C4orf33: variants seen among roughly 807,000 people sequenced by gnomAD.
C4orf33 encodes UPF0462 protein C4orf33.
A neutral mutation model predicts 24.3 loss-of-function variants in C4orf33; 20 were observed. That is an observed-to-expected ratio of 0.82 (90% CI 0.58 to 1.19). The LOEUF is 1.19. C4orf33 is among the 50% of genes most tolerant of loss of function. The pLI is 0.00. For missense variants in C4orf33, 207 were observed against 225.9 expected, an observed-to-expected ratio of 0.92 and a Z score of 0.54; for synonymous variants, 67 against 76.4, an observed-to-expected ratio of 0.88 and a Z score of 0.64.
At chr4:129,101,785 G>A (rs940031483) in intron 1 of C4orf33, among the ~76,000 whole-genome samples, 6 of 152,066 alleles carry the variant, frequency 3.9e-5, no homozygotes, top group Admixed American at 3.3e-4. Flanking sequence ...TGCAAAAACT[G>A]CTTTTTTGTA....
chr4:129,113,400 C>A lies in C4orf33; in HGVS notation c.*1609C>A, dbSNP rs1248045772. ...AACTACAGAATTTCGGAAAGCTTGT[C>A]CATTAGTCAGGTACAAATGATATAT... On this transcript the variant is annotated 3_prime_UTR_variant, in exon 6 of 6. Coordinates refer to ENST00000425929, the MANE Select transcript of C4orf33 (RefSeq NM_001099783.2). The A allele has an allele frequency of 1.3e-5, 2 of 152,178 alleles. No individual in the cohort carries two copies. The highest frequency in any genetic ancestry group is 2.9e-5 in the Non-Finnish European group (2 of 68,022). 9.4% of individuals were successfully genotyped at this position (152,178 alleles called of 1,614,324 possible). A position where few individuals can be genotyped will look rare whatever the true frequency, so the allele number is the denominator to read the frequency against.
chr4:129,096,630 C>A (rs1355885608), intron 1 of C4orf33, among the ~76,000 whole-genome samples: 1 of 151,986 alleles, frequency 6.6e-6, no homozygotes, highest in Non-Finnish European at 1.5e-5. Context: ...GAGGTCTTTC[C>A]AGGTAAAGAT....
At chr4:129,099,923 GT>G (rs1253734217) in intron 1 of C4orf33, among the ~76,000 whole-genome samples, 2 of 150,646 alleles carry the variant, frequency 1.3e-5, no homozygotes, top group Admixed American at 1.3e-4. Flanking sequence ...GCGATATAAA[GT>G]TTAAAAAAAA....
upstream of C4orf33, chr4:129,096,135 G>A (rs891883615): frequency 5.3e-5 from 8 of 152,118 alleles, no homozygotes; most frequent in Admixed American, 3.3e-4. Context: ...AGGCAGCTGG[G>A]TGGAGCCTAA....
At chr4:129,095,534 A>T (rs1447285845), upstream of C4orf33, among the ~76,000 whole-genome samples, 1 of 152,262 alleles carries the variant, frequency 6.6e-6, no homozygotes, top group East Asian at 1.9e-4. Context: ...CCACCATTTA[A>T]TGTTTTTATA....
At chr4:129,094,778 C>T (rs1753134678), upstream of C4orf33, among the ~76,000 whole-genome samples, 1 of 152,040 alleles carries the variant, frequency 6.6e-6, no homozygotes. Context: ...TTTGTATAAA[C>T]GTTATAGCTA....
Position 129,112,991 on chromosome 4 carries a change from T to A in C4orf33, c.*1200T>A, listed in dbSNP as rs1753720851. Reference sequence around the variant, plus strand: ...TTTTAAATAACCTAGGACGATTTATTTATAAATTACCTGAATAATTTTATA... The same window carrying A: ...TTTTAAATAACCTAGGACGATTTATATATAAATTACCTGAATAATTTTATA... On this transcript the variant is annotated 3_prime_UTR_variant, in exon 6 of 6. Coordinates refer to ENST00000425929, the MANE Select transcript of C4orf33 (RefSeq NM_001099783.2). 6.6e-6 allele frequency: 1 copy of A among 152,084 alleles called. No individual in the cohort carries two copies. Among genetic ancestry groups the A allele is most frequent in the African/African-American group, 2.4e-5 (1 of 41,450 alleles). The allele number at this position is 152,084 out of a possible 1,614,324, so 9.4% of individuals were successfully genotyped here. A position where few individuals can be genotyped will look rare whatever the true frequency, so the allele number is the denominator to read the frequency against.
In C4orf33 at chr4:129,106,608, A is replaced by G. The variant is rs138803726; in HGVS notation, c.203A>G (p.Asn68Ser). ...AAAGTTGTGGAAGCATTTTTCTTGA[A>G]TGATATAACTGAGCAATATTTAGAA... ...DYEVVEAFFL[N>S]DITEQYLEVE... The change falls in exon 3 of 6, where the codon AAT becomes AGT. Residue 68 changes from asparagine to serine, a missense_variant. Transcript: ENST00000425929. The G allele has an allele frequency of 5.1e-4, 794 of 1,548,726 alleles. 2 individuals carry two copies. In the Middle Eastern group the frequency reaches 6.1e-3, roughly 12 times the overall value.
intron 1 of C4orf33, among the ~76,000 whole-genome samples, chr4:129,099,824 C>G (rs1231684797): frequency 6.6e-6 from 1 of 152,030 alleles, no homozygotes; most frequent in African/African-American, 2.4e-5. Context: ...TTAAACTAGA[C>G]TGTTAACTAC....
chr4:129,116,196 GT>G lies in C4orf33; in HGVS notation c.*4406del, dbSNP rs2125806278. On this transcript the variant is annotated 3_prime_UTR_variant, in exon 6 of 6. Transcript: ENST00000425929. ...CAGTAATTAAAATATTCTTTTCCAT[GT>G]AATGGGATCTACGAGTAAATTTTTG... The G allele has an allele frequency of 6.6e-6, 1 of 152,062 alleles. No individual in the cohort carries two copies. The highest frequency in any genetic ancestry group is 2.1e-4 in the South Asian group (1 of 4,818). The allele number at this position is 152,062 out of a possible 1,614,324, so 9.4% of individuals were successfully genotyped here. A position where few individuals can be genotyped will look rare whatever the true frequency, so the allele number is the denominator to read the frequency against.
chr4:129,100,317 A>T (rs1444008200), intron 1 of C4orf33, among the ~76,000 whole-genome samples: 4 of 142,240 alleles, frequency 2.8e-5, no homozygotes, highest in Admixed American at 7.5e-5. Flanking sequence ...CGTAAACATT[A>T]TGGATTGTAT....
chr4:129,100,040 G>A (rs1753308304), intron 1 of C4orf33, among the ~76,000 whole-genome samples: 1 of 152,068 alleles, frequency 6.6e-6, no homozygotes, highest in Admixed American at 6.5e-5. Context: ...CCCTACTTGT[G>A]GAAGTCTAGT....
intron 1 of C4orf33, among the ~76,000 whole-genome samples, chr4:129,097,347 C>T (rs996522710): frequency 9.2e-5 from 14 of 152,206 alleles, no homozygotes; most frequent in Admixed American, 3.3e-4. Flanking sequence ...AGATAATTCC[C>T]TTCAGGGAAG....
At chr4:129,109,066 A>AT (rs1249886810) in intron 3 of C4orf33, among the ~76,000 whole-genome samples, 2 of 152,090 alleles carry the variant, frequency 1.3e-5, no homozygotes, top group Admixed American at 6.5e-5. Context: ...TTTTCTTTGT[A>AT]TTTTAGTAGA....
chr4:129,102,717 C>G lies in C4orf33; in HGVS notation c.107C>G (p.Ala36Gly). The G allele has an allele frequency of 3.1e-6, 5 of 1,614,078 alleles. No homozygotes were observed. Among genetic ancestry groups the G allele is most frequent in the Non-Finnish European group, 4.2e-6 (5 of 1,179,958 alleles). Residue 36 changes from alanine (A) to glycine (G), a missense_variant, in exon 2 of 6, where the codon GCT (alanine) becomes GGT (glycine). By Grantham distance (60) the Ala-to-Gly change is moderately conservative. Coordinates refer to ENST00000425929, the MANE Select transcript of C4orf33 (RefSeq NM_001099783.2). ...GDRGVMMDIS[A>G]PFFRDPPAPL... Reference sequence around the variant, plus strand: ...AGAGGAGTGATGATGGACATTAGTGCTCCATTTTTCAGGGATCCTCCAGCC... The same window carrying G: ...AGAGGAGTGATGATGGACATTAGTGGTCCATTTTTCAGGGATCCTCCAGCC...
In C4orf33 at chr4:129,115,466, T is replaced by C. The variant is rs1753758650; in HGVS notation, c.*3675T>C. 6.6e-6 allele frequency: 1 copy of C among 152,134 alleles called. No homozygotes were observed. Among genetic ancestry groups the C allele is most frequent in the Admixed American group, 6.6e-5 (1 of 15,254 alleles). The allele number at this position is 152,134 out of a possible 1,614,324, so 9.4% of individuals were successfully genotyped here. A position where few individuals can be genotyped will look rare whatever the true frequency, so the allele number is the denominator to read the frequency against. ...ATGCAAACCTGGAAGTTTGAGGGAA[T>C]TGACAATAGGGACAGGATTCAGTGG... On this transcript the variant is annotated 3_prime_UTR_variant, in exon 6 of 6. Coordinates refer to ENST00000425929, the MANE Select transcript of C4orf33 (RefSeq NM_001099783.2).
intron 2 of C4orf33, among the ~76,000 whole-genome samples, chr4:129,105,944 C>T (rs925499666): frequency 4.2e-4 from 64 of 152,160 alleles, no homozygotes; most frequent in Admixed American, 6.5e-4. Context: ...GACATCTAGA[C>T]ATAGACACAC....
rs1157635924 is a variant in C4orf33, at chr4:129,116,558, A to T, written c.*4767A>T. On this transcript the variant is annotated 3_prime_UTR_variant, in exon 6 of 6. Coordinates refer to ENST00000425929, the MANE Select transcript of C4orf33 (RefSeq NM_001099783.2). The stretch of plus-strand genomic sequence containing the variant: ...TACCTAGAGTATATATTTTGAAGAG[A>T]TAGCTTTGCTGAAATAGAAAACCAA... 1 of 152,228 alleles carries T rather than the reference A, an allele frequency of 6.6e-6. No individual in the cohort carries two copies. Among genetic ancestry groups the T allele is most frequent in the East Asian group, 1.9e-4 (1 of 5,206 alleles). The allele number at this position is 152,228 out of a possible 1,614,324, so 9.4% of individuals were successfully genotyped here.
At chr4:129,096,239 C>G (rs1356998698) in intron 1 of C4orf33, 30 bp downstream of exon 1, 1 of 152,218 alleles carries the variant, frequency 6.6e-6, no homozygotes, top group Admixed American at 6.5e-5. Flanking sequence ...TCCCTCTTCT[C>G]TCTGACATTC....
Sources: gnomAD v4.1 joint callset for allele counts (sites outside exome capture counted in the v4.1 genomes callset) on GRCh38, gnomAD v4.1.1 for gene constraint, MANE v1.5 for transcripts, NCBI Gene and HGNC (gene_info 2026-07-23, HGNC 2026-07-21) for gene names.